The following SPAST variants were observed in gnomAD, a reference collection of about 807,000 sequenced individuals.
SPAST encodes spastic paraplegia 4 (autosomal dominant; spastin).
In SPAST, 30 loss-of-function variants were observed where a neutral mutation model predicts 76.6. The ratio of observed to expected loss-of-function variants is 0.39; its 90% CI spans 0.29 to 0.53. The LOEUF is 0.53. Ranked by LOEUF, SPAST falls within the 20% of genes least tolerant of loss-of-function variation. The pLI is 0.68. For synonymous variants in SPAST, 305 were observed against 281.0 expected, an observed-to-expected ratio of 1.09 and a Z score of -0.86; for missense variants, 717 against 770.5, an observed-to-expected ratio of 0.93 and a Z score of 0.82.
At chr2:32,071,200 T>A (rs1379862476) in intron 1 of SPAST, among the ~76,000 whole-genome samples, 1 of 152,128 alleles carries the variant, frequency 6.6e-6, no homozygotes, top group Non-Finnish European at 1.5e-5. Flanking sequence ...CTCAAGTACA[T>A]AGGACTAAAC....
intron 9 of SPAST, among the ~76,000 whole-genome samples, chr2:32,134,855 C>G (rs1322096614): frequency 6.6e-6 from 1 of 151,710 alleles, no homozygotes; most frequent in African/African-American, 2.4e-5. Context: ...GCCACCACGC[C>G]CGGCTAATTT....
At chr2:32,128,348 G>A in intron 8 of SPAST, 60 bp from the exon 9 acceptor site, 1 of 1,200,034 alleles carries the variant, frequency 8.3e-7, no homozygotes, top group Non-Finnish European at 1.2e-6. Flanking sequence ...GGTAAATATG[G>A]TTATCTTTTA....
Position 32,154,643 on chromosome 2 carries a change from C to T in SPAST, c.*147C>T, listed in dbSNP as rs1279380026. The T allele has an allele frequency of 3.8e-6, 3 of 799,224 alleles. No homozygotes were observed. In the Admixed American group the frequency reaches 7.6e-5, roughly 20 times the overall value. 49.5% of individuals were successfully genotyped at this position (799,224 alleles called of 1,614,324 possible). The stretch of plus-strand genomic sequence containing the variant: ...TTGTGCACCAAACTTGAAGATGAAC[C>T]AGAAAACAGACTTAAACAAAATATA... On this transcript the variant is annotated 3_prime_UTR_variant, in exon 17 of 17. Coordinates refer to ENST00000315285, the MANE Select transcript of SPAST (RefSeq NM_014946.4).
chr2:32,138,102 A>C (rs12614686), intron 12 of SPAST, among the ~76,000 whole-genome samples: 1 of 152,114 alleles, frequency 6.6e-6, no homozygotes, highest in Admixed American at 6.5e-5. Context: ...GTCTGCTGTC[A>C]TGAATAGTAC....
chr2:32,115,211 G>C (rs1034742497), intron 5 of SPAST, among the ~76,000 whole-genome samples: 9 of 152,052 alleles, frequency 5.9e-5, no homozygotes, highest in African/African-American at 2.4e-5. Context: ...GCCTCCCAAA[G>C]TACTGGGATT....
chr2:32,155,598 A>G lies in SPAST; in HGVS notation c.*1102A>G, dbSNP rs956984300. ...TTCCTTCTGCTTGCTTTATTAACTC[A>G]AAAGTTCTAGTTCTAGTCTGTTGAT... On this transcript the variant is annotated 3_prime_UTR_variant, in exon 17 of 17. Transcript: ENST00000315285. 16 of 152,344 alleles carry G rather than the reference A, an allele frequency of 1.1e-4. No homozygotes were observed. 9.4% of individuals were successfully genotyped at this position (152,344 alleles called of 1,614,324 possible).
intron 12 of SPAST, among the ~76,000 whole-genome samples, chr2:32,140,652 A>G (rs1055921712): frequency 1.3e-5 from 2 of 151,748 alleles, no homozygotes; most frequent in African/African-American, 4.8e-5. Context: ...GTCAGGCGTC[A>G]TGGTGGGTCA....
rs1263550315 is a variant in SPAST, at chr2:32,140,098, T to C, written c.1494-1806T>C. Among the ~76,000 whole-genome samples, 4 of 152,322 alleles carry C rather than the reference T, an allele frequency of 2.6e-5. No individual in the cohort carries two copies. The East Asian group carries it at 7.7e-4, about 29-fold the overall frequency. The stretch of plus-strand genomic sequence containing the variant: ...AAATTATGTGTTATGTTGCGTCCTT[T>C]TGTTTTCCCTATCTGTAATTTTCTT... On this transcript the variant is annotated intron_variant, in intron 12 of 16. Coordinates refer to ENST00000315285, the MANE Select transcript of SPAST (RefSeq NM_014946.4).
chr2:32,149,849 C>G (rs1472109638), intron 16 of SPAST, among the ~76,000 whole-genome samples: 1 of 152,038 alleles, frequency 6.6e-6, no homozygotes, highest in African/African-American at 2.4e-5. Flanking sequence ...GAACCAATTT[C>G]CGAGAGATAC....
intron 8 of SPAST, 134 bp from the exon 9 acceptor site, chr2:32,128,274 C>T (rs1679259948): frequency 1.4e-6 from 1 of 690,886 alleles, no homozygotes; most frequent in Non-Finnish European, 2.5e-6. Flanking sequence ...GGATTACAGG[C>T]ATGAGCCACC....
intron 12 of SPAST, among the ~76,000 whole-genome samples, chr2:32,140,622 A>C (rs1217820215): frequency 1.3e-5 from 2 of 151,936 alleles, no homozygotes; most frequent in Non-Finnish European, 1.5e-5. Flanking sequence ...GTCTCAAAAA[A>C]AAAAAGAAAA....
At position 32,087,550 on chromosome 2, in the gene SPAST, A is replaced by G; in HGVS notation, c.474A>G (p.Lys158=). ...WYKKGIEELE[K]GIAVIVTGQG... is the part of the protein sequence containing the mutation. ...AGAAAGGTATTGAAGAACTGGAAAA[A>G]GGAATAGCTGTTATAGTTACAGGAC... The change falls in exon 2 of 17, where the codon AAA becomes AAG. Residue 158 remains lysine (K), a synonymous_variant. Coordinates refer to ENST00000315285, the MANE Select transcript of SPAST (RefSeq NM_014946.4). 7 of 1,598,078 alleles carry G rather than the reference A, an allele frequency of 4.4e-6. No homozygotes were observed. Among genetic ancestry groups the G allele is most frequent in the Non-Finnish European group, 4.3e-6 (5 of 1,167,490 alleles).
At chr2:32,105,264 T>C (rs1021480401) in intron 4 of SPAST, among the ~76,000 whole-genome samples, 4 of 152,234 alleles carry the variant, frequency 2.6e-5, no homozygotes, top group African/African-American at 9.6e-5. Flanking sequence ...AGCTCATGCA[T>C]GCATCACGTA....
At chr2:32,128,162 T>G in intron 8 of SPAST, 1 of 423,280 alleles carries the variant, frequency 2.4e-6, no homozygotes, top group Non-Finnish European at 4.4e-6. Context: ...GCCTGACTAA[T>G]TTTTGTATTT....
At chr2:32,072,731 T>C (rs1676801604) in intron 1 of SPAST, among the ~76,000 whole-genome samples, 1 of 152,196 alleles carries the variant, frequency 6.6e-6, no homozygotes, top group South Asian at 2.1e-4. Context: ...GCTGTCCATA[T>C]CTGTTTTCAG....
chr2:32,087,476 A>G lies in SPAST; in HGVS notation c.416-16A>G. ...ACTCTTCATACGATCTATACAAATA[A>G]TTTTTTATTTTAAAGCAGGACAGAA... On this transcript the variant is annotated splice_polypyrimidine_tract_variant and intron_variant, in intron 1 of 16. Coordinates refer to ENST00000315285, the MANE Select transcript of SPAST (RefSeq NM_014946.4). 1 of 1,521,292 alleles carries G rather than the reference A, an allele frequency of 6.6e-7. No homozygotes were observed. The highest frequency in any genetic ancestry group is 1.1e-5 in the South Asian group (1 of 88,978). 94.2% of individuals were successfully genotyped at this position (1,521,292 alleles called of 1,614,324 possible). A position where few individuals can be genotyped will look rare whatever the true frequency, so the allele number is the denominator to read the frequency against.
chr2:32,151,325 T>C (rs1197233067), intron 16 of SPAST, among the ~76,000 whole-genome samples: 1 of 152,214 alleles, frequency 6.6e-6, no homozygotes. Context: ...TTAGCTGTTA[T>C]TGCTTACTTA....
chr2:32,101,289 C>T (rs1349093197), intron 4 of SPAST, among the ~76,000 whole-genome samples: 2 of 152,106 alleles, frequency 1.3e-5, no homozygotes, highest in African/African-American at 4.8e-5. Flanking sequence ...ATATACTTTG[C>T]CCACTTTTTG....
At chr2:32,103,316 C>G (rs1372587779) in intron 4 of SPAST, among the ~76,000 whole-genome samples, 1 of 151,948 alleles carries the variant, frequency 6.6e-6, no homozygotes, top group African/African-American at 2.4e-5. Flanking sequence ...GGTGATATCC[C>G]CTTTATCATT....
Sources: gnomAD v4.1 joint callset for allele counts (sites outside exome capture counted in the v4.1 genomes callset) on GRCh38, gnomAD v4.1.1 for gene constraint, MANE v1.5 for transcripts, NCBI Gene and HGNC (gene_info 2026-07-23, HGNC 2026-07-21) for gene names.